The following FRMD4A variants were observed in gnomAD, a reference collection of about 807,000 sequenced individuals.
FRMD4A encodes the protein FERM domain-containing protein 4A.
A neutral mutation model predicts 129.1 loss-of-function variants in FRMD4A; 29 were observed. The observed-to-expected ratio is 0.22, with a 90% CI of 0.17 to 0.31. FRMD4A has a LOEUF of 0.31. Ranked by LOEUF, FRMD4A falls within the 10% of genes least tolerant of loss-of-function variation. The pLI is 1.00. For synonymous variants in FRMD4A, 634 were observed against 571.6 expected (o/e 1.11, Z -1.56); for missense variants, 1,272 against 1,375.8 (o/e 0.92, Z 1.19).
At chr10:14,242,587 C>T (rs577688241) in intron 2 of FRMD4A, among the ~76,000 whole-genome samples, 1 of 152,174 alleles carries the variant, frequency 6.6e-6, no homozygotes, top group African/African-American at 2.4e-5. Flanking sequence ...AAACCTATGC[C>T]TCTAGTGCAT....
intron 2 of FRMD4A, among the ~76,000 whole-genome samples, chr10:13,912,845 G>A (rs900267924): frequency 2.6e-5 from 4 of 151,936 alleles, no homozygotes; most frequent in African/African-American, 9.7e-5. Flanking sequence ...AGGCTGAGGC[G>A]GGTAGATCAC....
intron 2 of FRMD4A, among the ~76,000 whole-genome samples, chr10:13,895,243 T>G (rs1455053200): frequency 6.6e-6 from 1 of 152,194 alleles, no homozygotes; most frequent in African/African-American, 2.4e-5. Context: ...CCTCTCACCC[T>G]CTATCCTGTG....
chr10:13,993,995 A>T (rs1426787749), intron 2 of FRMD4A, among the ~76,000 whole-genome samples: 5 of 148,768 alleles, frequency 3.4e-5, no homozygotes, highest in Non-Finnish European at 7.4e-5. Flanking sequence ...ATATGTAGAT[A>T]TTTAGGGTGG....
intron 2 of FRMD4A, chr10:13,866,322 G>A (rs976195385): frequency 1.0e-6 from 1 of 968,712 alleles, no homozygotes; most frequent in Middle Eastern, 5.3e-4. Flanking sequence ...TGAGGATGTC[G>A]GATGCGGGAC....
At chr10:14,147,162 T>C (rs1840113562) in intron 2 of FRMD4A, among the ~76,000 whole-genome samples, 1 of 152,220 alleles carries the variant, frequency 6.6e-6, no homozygotes, top group Non-Finnish European at 1.5e-5. Flanking sequence ...TTCCTTTTCT[T>C]ATGCCAACCT....
At position 14,162,244 on chromosome 10, in the gene FRMD4A, G is replaced by C. The variant is rs1840928235; in HGVS notation, c.45+167814C>G. Among the ~76,000 whole-genome samples the C allele has an allele frequency of 2.6e-5, 4 of 152,142 alleles. No individual in the cohort carries two copies. In the South Asian group the frequency reaches 8.3e-4, roughly 32 times the overall value. Reference sequence around the variant, plus strand: ...GTTAGCGGCCACCACACTAGACAAGGCATCTCTAACTGATTCATTGGCCCC... The same window carrying C: ...GTTAGCGGCCACCACACTAGACAAGCCATCTCTAACTGATTCATTGGCCCC... On this transcript the variant is annotated intron_variant, in intron 2 of 24. Transcript: ENST00000357447.
intron 2 of FRMD4A, among the ~76,000 whole-genome samples, chr10:14,032,874 GCA>G (rs1272133691): frequency 6.6e-6 from 1 of 152,192 alleles, no homozygotes; most frequent in African/African-American, 2.4e-5. Context: ...GGGAAATCAT[GCA>G]CAGTCTGTTT....
intron 8 of FRMD4A, among the ~76,000 whole-genome samples, chr10:13,749,795 C>T (rs2091479264): frequency 6.6e-6 from 1 of 151,852 alleles, no homozygotes; most frequent in African/African-American, 2.4e-5. Context: ...TCAAGATCAG[C>T]TTGGGCAACA....
chr10:14,171,946 G>C (rs947723693), intron 2 of FRMD4A, among the ~76,000 whole-genome samples: 3 of 152,186 alleles, frequency 2.0e-5, no homozygotes, highest in African/African-American at 4.8e-5. Flanking sequence ...CCTTGTCACG[G>C]ATATGTCTTC....
At chr10:13,740,612 T>G in intron 9 of FRMD4A, 35 bp from the exon 10 acceptor site, 2 of 1,113,230 alleles carry the variant, frequency 1.8e-6, no homozygotes, top group Non-Finnish European at 2.7e-6. Context: ...GTTGTTGGAG[T>G]CTCTAGGTCA....
chr10:14,257,087 G>A (rs1844640699), intron 2 of FRMD4A, among the ~76,000 whole-genome samples: 1 of 152,074 alleles, frequency 6.6e-6, no homozygotes, highest in African/African-American at 2.4e-5. Flanking sequence ...CCGGCACTTT[G>A]GGAGGCCAAG....
At chr10:14,138,901 T>C (rs1331258537) in intron 2 of FRMD4A, among the ~76,000 whole-genome samples, 1 of 152,206 alleles carries the variant, frequency 6.6e-6, no homozygotes, top group Non-Finnish European at 1.5e-5. Context: ...TGTTTGTAGA[T>C]AGCCATTGTC....
At chr10:13,747,862 A>G (rs1479788160) in intron 8 of FRMD4A, 43 bp from the exon 9 acceptor site, 1 of 1,067,732 alleles carries the variant, frequency 9.4e-7, no homozygotes, top group Admixed American at 1.7e-5. Context: ...CCTCTGAGAA[A>G]ATAATCGCAC....
intron 17 of FRMD4A, 141 bp downstream of exon 17, chr10:13,670,265 G>A: frequency 2.6e-6 from 2 of 769,656 alleles, no homozygotes. Context: ...TGACCGGCCA[G>A]CTCACTCAAG....
intron 2 of FRMD4A, among the ~76,000 whole-genome samples, chr10:13,868,769 C>T (rs552938351): frequency 4.4e-4 from 67 of 151,866 alleles, no homozygotes; most frequent in South Asian, 2.1e-4. Context: ...ACTGCACTCC[C>T]GCCTGGGCAA....
chr10:14,141,011 G>A (rs1839808149), intron 2 of FRMD4A, among the ~76,000 whole-genome samples: 1 of 152,034 alleles, frequency 6.6e-6, no homozygotes. Flanking sequence ...CAACCCTAGG[G>A]ACACCACCCA....
At chr10:14,108,910 T>C (rs1242620421) in intron 2 of FRMD4A, among the ~76,000 whole-genome samples, 1 of 152,214 alleles carries the variant, frequency 6.6e-6, no homozygotes, top group South Asian at 2.1e-4. Flanking sequence ...TCAAAGTCTC[T>C]GGCTGCCATG....
intron 5 of FRMD4A, among the ~76,000 whole-genome samples, chr10:13,793,104 C>A (rs1056367268): frequency 2.6e-5 from 4 of 151,984 alleles, no homozygotes; most frequent in African/African-American, 4.8e-5. Flanking sequence ...AGTGTTAGTA[C>A]CTCCATTCTC....
chr10:13,696,372 C>T (rs555030774), intron 14 of FRMD4A, among the ~76,000 whole-genome samples: 9 of 152,266 alleles, frequency 5.9e-5, no homozygotes, highest in East Asian at 5.8e-4. Flanking sequence ...CACTCCCAAA[C>T]GGTGATGTAA....
Sources: allele counts gnomAD v4.1 joint callset (sites outside exome capture counted in the v4.1 genomes callset), GRCh38; gene constraint gnomAD v4.1.1; transcripts MANE v1.5; gene names NCBI Gene and HGNC (gene_info 2026-07-23, HGNC 2026-07-21).